WDR27: variants seen among roughly 807,000 people sequenced by gnomAD.
WDR27 encodes WD repeat domain 27, also known as WD repeat-containing protein 27.
Under a neutral mutation model 114.4 loss-of-function variants are expected in WDR27, and 100 were observed. The ratio of observed to expected loss-of-function variants is 0.87; its 90% CI spans 0.74 to 1.03. WDR27 has a LOEUF of 1.03. WDR27 is among the 50% of genes least tolerant of loss of function. The probability of loss-of-function intolerance (pLI) is 0.00; values close to 1 mark genes in which losing one functional copy is unlikely to be tolerated. For synonymous variants in WDR27, 449 were observed against 423.1 expected (o/e 1.06, Z -0.75); for missense variants, 1,129 against 1,092.9 (o/e 1.03, Z -0.47).
intron 22 of WDR27, among the ~76,000 whole-genome samples, chr6:169,603,821 A>T (rs1808556788): frequency 6.6e-6 from 1 of 152,226 alleles, no homozygotes; most frequent in Non-Finnish European, 1.5e-5. Flanking sequence ...TCATAAAGAA[A>T]TTTCTTCTTA....
At chr6:169,599,082 C>T (rs2128165921) in intron 23 of WDR27, among the ~76,000 whole-genome samples, 1 of 152,042 alleles carries the variant, frequency 6.6e-6, no homozygotes, top group East Asian at 1.9e-4. Context: ...TGGTGTGCTG[C>T]ACCCATTAAC....
intron 24 of WDR27, among the ~76,000 whole-genome samples, chr6:169,582,561 C>T (rs1345395685): frequency 6.6e-6 from 1 of 152,254 alleles, no homozygotes; most frequent in South Asian, 2.1e-4. Flanking sequence ...CCCATACGTT[C>T]CTGTTTCATT....
At chr6:169,644,382 T>G (rs551994622) in intron 16 of WDR27, among the ~76,000 whole-genome samples, 38 of 125,194 alleles carry the variant, frequency 3.0e-4, no homozygotes, top group South Asian at 1.3e-3. Flanking sequence ...CTGTAGAAAA[T>G]CCTAGTTCAC....
At chr6:169,656,832 G>A (rs1340890039) in intron 13 of WDR27, among the ~76,000 whole-genome samples, 1 of 152,192 alleles carries the variant, frequency 6.6e-6, no homozygotes, top group Non-Finnish European at 1.5e-5. Flanking sequence ...CTTTTCAATG[G>A]TGAATAATTA....
intron 25 of WDR27, among the ~76,000 whole-genome samples, chr6:169,462,533 G>A (rs939100219): frequency 6.7e-6 from 1 of 149,284 alleles, no homozygotes; most frequent in Non-Finnish European, 1.5e-5. Flanking sequence ...AGACTCGATG[G>A]CTTTGCCAGT....
intron 25 of WDR27, among the ~76,000 whole-genome samples, chr6:169,557,372 AG>A (rs1319040530): frequency 1.3e-5 from 2 of 152,162 alleles, no homozygotes; most frequent in African/African-American, 4.8e-5. Flanking sequence ...CACCTTGGAG[AG>A]TGGAAATGAG....
intron 22 of WDR27, among the ~76,000 whole-genome samples, chr6:169,607,084 G>GT (rs998668803): frequency 6.6e-6 from 1 of 152,070 alleles, no homozygotes; most frequent in African/African-American, 2.4e-5. Context: ...AAAGCAAAAA[G>GT]TAACAGATAC....
At chr6:169,519,595 A>C (rs1794111939) in intron 25 of WDR27, among the ~76,000 whole-genome samples, 1 of 152,114 alleles carries the variant, frequency 6.6e-6, no homozygotes, top group Non-Finnish European at 1.5e-5. Context: ...GAGAGCACCA[A>C]GCCATGAGAG....
intron 22 of WDR27, among the ~76,000 whole-genome samples, chr6:169,611,963 C>A (rs766222797): frequency 6.8e-6 from 1 of 147,816 alleles, no homozygotes; most frequent in Non-Finnish European, 1.5e-5. Flanking sequence ...GGTGAAAATG[C>A]GTTCTCTACT....
At chr6:169,688,692 T>G (rs1360841324) in intron 2 of WDR27, 125 bp downstream of exon 2, 8 of 489,630 alleles carry the variant, frequency 1.6e-5, no homozygotes, top group African/African-American at 1.6e-4. Flanking sequence ...AATGTTTTTA[T>G]CAATATTTTT....
chr6:169,643,876 CTG>C, intron 16 of WDR27, 90 bp from the exon 17 acceptor site: 2 of 1,012,578 alleles, frequency 2.0e-6, no homozygotes, highest in Non-Finnish European at 2.8e-6. Context: ...AGGAGTCACA[CTG>C]TAGAAAATCC....
At chr6:169,501,396 A>C (rs1375471299) in intron 25 of WDR27, among the ~76,000 whole-genome samples, 1 of 152,212 alleles carries the variant, frequency 6.6e-6, no homozygotes, top group African/African-American at 2.4e-5. Context: ...ACGCGGCTTT[A>C]AGGCAGTAGC....
At chr6:169,539,650 G>A (rs114533167) in intron 25 of WDR27, among the ~76,000 whole-genome samples, 82 of 152,306 alleles carry the variant, frequency 5.4e-4, no homozygotes, top group African/African-American at 1.9e-3. Context: ...AGGAGGCAAT[G>A]TCAGTGCTAA....
chr6:169,456,260 G>A (rs1434081306), downstream of WDR27, among the ~76,000 whole-genome samples: 1 of 152,130 alleles, frequency 6.6e-6, no homozygotes, highest in South Asian at 2.1e-4. The surrounding 1 kb of genome is among the most constrained non-coding windows in gnomAD (Gnocchi z 4.0). Context: ...GCACATTTAT[G>A]GTCGATGTGT....
At chr6:169,558,000 T>C (rs1476297431) in intron 25 of WDR27, among the ~76,000 whole-genome samples, 1 of 152,158 alleles carries the variant, frequency 6.6e-6, no homozygotes. Context: ...ATAGTGTTTC[T>C]ATGATGGCTA....
intron 25 of WDR27, among the ~76,000 whole-genome samples, chr6:169,535,785 G>T (rs991661856): frequency 6.6e-6 from 1 of 152,188 alleles, no homozygotes; most frequent in Non-Finnish European, 1.5e-5. Context: ...CAAGATGAAG[G>T]TTAGAGAGTA....
chr6:169,448,282 T>C, the WDR27 span, among the ~76,000 whole-genome samples: 1 of 152,066 alleles, frequency 6.6e-6, no homozygotes, highest in African/African-American at 2.4e-5. Context: ...AGGCCATTTT[T>C]TTCCTTTTTT....
intron 25 of WDR27, among the ~76,000 whole-genome samples, chr6:169,460,798 C>T (rs1784814409): frequency 6.6e-6 from 1 of 152,150 alleles, no homozygotes; most frequent in African/African-American, 2.4e-5. Flanking sequence ...ACTTGGCCTT[C>T]CATATATGCG....
chr6:169,531,670 T>G (rs1795621147), intron 25 of WDR27, among the ~76,000 whole-genome samples: 1 of 151,760 alleles, frequency 6.6e-6, no homozygotes, highest in Non-Finnish European at 1.5e-5. Context: ...TTTTTTTTTT[T>G]TGAAATGGAG....
Sources: gnomAD v4.1 joint callset for allele counts (sites outside exome capture counted in the v4.1 genomes callset) on GRCh38, gnomAD v4.1.1 for gene constraint, Gnocchi (gnomAD v3.1) non-coding constraint, MANE v1.5 for transcripts, NCBI Gene and HGNC (gene_info 2026-07-23, HGNC 2026-07-21) for gene names.